The following C16orf96 variants were observed in gnomAD, a reference collection of about 807,000 sequenced individuals.
The protein encoded by C16orf96 is chromosome 16 open reading frame 96, also known as uncharacterized protein C16orf96.
A neutral mutation model predicts 103.6 loss-of-function variants in C16orf96; 108 were observed. The observed-to-expected ratio is 1.04, with a 90% CI of 0.89 to 1.22. C16orf96 has a LOEUF of 1.22. Ranked by LOEUF, C16orf96 falls within the 50% of genes most tolerant of loss-of-function variation. The pLI, the probability that C16orf96 is intolerant of heterozygous loss-of-function variation, is 0.00. For missense variants in C16orf96, 1,586 were observed against 1,464.2 expected, an observed-to-expected ratio of 1.08 and a Z score of -1.36; for synonymous variants, 566 against 593.5, an observed-to-expected ratio of 0.95 and a Z score of 0.67.
chr16:4,582,774 A>G (rs974927961), intron 7 of C16orf96, among the ~76,000 whole-genome samples: 2 of 152,192 alleles, frequency 1.3e-5, no homozygotes, highest in Non-Finnish European at 2.9e-5. Context: ...GCACTACGCC[A>G]GACCCTGCAT....
chr16:4,565,156 C>G (rs7204059), intron 1 of C16orf96, among the ~76,000 whole-genome samples: 5,589 of 152,126 alleles, frequency 0.037, 358 homozygotes, highest in African/African-American at 0.13. Context: ...ACCCCAGCAT[C>G]CTTAAAGCCC....
the C16orf96 span, among the ~76,000 whole-genome samples, chr16:4,548,789 C>T: frequency 6.6e-6 from 1 of 150,766 alleles, no homozygotes; most frequent in Non-Finnish European, 1.5e-5. Flanking sequence ...AGGAGAATCG[C>T]TTGAACCCGG....
Position 4,593,425 on chromosome 16 carries a change from ATTGT to A in C16orf96, c.2867+110_2867+113del. The A allele has an allele frequency of 9.0e-7, 1 of 1,107,690 alleles. No homozygotes were observed. Among genetic ancestry groups the A allele is most frequent in the Non-Finnish European group, 1.3e-6 (1 of 766,832 alleles). 68.6% of individuals were successfully genotyped at this position (1,107,690 alleles called of 1,614,324 possible). On this transcript the variant is annotated intron_variant, in intron 12 of 15. Transcript: ENST00000444310. This position sits in a 1 kb window ranked among gnomAD's most constrained non-coding sequence, Gnocchi z 4.2. ...CATCCTCCAGGCCCAGGGACCTAAG[ATTGT>A]CCTGGACATGGCCAGCCCTTCGCAA...
the C16orf96 span, among the ~76,000 whole-genome samples, chr16:4,548,831 A>G: frequency 6.7e-6 from 1 of 148,748 alleles, no homozygotes; most frequent in East Asian, 2.0e-4. Context: ...CAAGGTTGCA[A>G]TGTCACGCCA....
intron 7 of C16orf96, among the ~76,000 whole-genome samples, 200 bp from the exon 8 acceptor site, chr16:4,586,839 C>G (rs1340628408): frequency 6.6e-6 from 1 of 152,156 alleles, no homozygotes; most frequent in Non-Finnish European, 1.5e-5. Flanking sequence ...ACAGCTTGTC[C>G]CAAGTCGCAC....
At chr16:4,571,987 T>C (rs528683265) in intron 2 of C16orf96, among the ~76,000 whole-genome samples, 1 of 151,540 alleles carries the variant, frequency 6.6e-6, no homozygotes, top group East Asian at 2.0e-4. Flanking sequence ...GTAGCTGGGA[T>C]TACAGGCACG....
chr16:4,559,800 G>C (rs1449197783), intron 1 of C16orf96, among the ~76,000 whole-genome samples: 1 of 152,028 alleles, frequency 6.6e-6, no homozygotes, highest in Non-Finnish European at 1.5e-5. Flanking sequence ...TCTGCTTTCT[G>C]TCTTACGGAT....
At chr16:4,551,136 G>T in the C16orf96 span, among the ~76,000 whole-genome samples, 2 of 152,196 alleles carry the variant, frequency 1.3e-5, no homozygotes, top group Admixed American at 6.5e-5. Context: ...GCCAGGAGAG[G>T]TGTTGCACAC....
At chr16:4,544,711 C>A in the C16orf96 span, among the ~76,000 whole-genome samples, 1 of 152,164 alleles carries the variant, frequency 6.6e-6, no homozygotes, top group Non-Finnish European at 1.5e-5. Context: ...GCATTTAGGT[C>A]ACTGCTCATA....
Position 4,556,467 on chromosome 16 carries a change from C to T in C16orf96, c.-23C>T. 1 of 1,499,612 alleles carries T rather than the reference C, an allele frequency of 6.7e-7. No individual in the cohort carries two copies. 92.9% of individuals were successfully genotyped at this position (1,499,612 alleles called of 1,614,324 possible). On this transcript the variant is annotated 5_prime_UTR_variant, in exon 1 of 16. Transcript: ENST00000444310. ...TCCTTGAGGACACCTGGAACCCCAG[C>T]CCCACTGACCCACCCTGGCAGGATG...
the C16orf96 span, among the ~76,000 whole-genome samples, chr16:4,541,516 G>A: frequency 2.1e-4 from 32 of 152,220 alleles, no homozygotes; most frequent in Non-Finnish European, 4.3e-4. Flanking sequence ...CGAGGCTGCT[G>A]TGAGCTGGGA....
intron 14 of C16orf96, 91 bp from the exon 15 acceptor site, chr16:4,599,193 A>G (rs1365014879): frequency 2.6e-6 from 3 of 1,147,912 alleles, no homozygotes; most frequent in Non-Finnish European, 2.6e-6. Flanking sequence ...GGTTGGTCCC[A>G]CCAGAGGGAG....
chr16:4,541,784 A>G, the C16orf96 span, among the ~76,000 whole-genome samples: 2 of 152,206 alleles, frequency 1.3e-5, no homozygotes, highest in Non-Finnish European at 2.9e-5. Context: ...AGCTTGGTGC[A>G]GGCAATTGAG....
At chr16:4,563,960 G>A (rs2059360589) in intron 1 of C16orf96, among the ~76,000 whole-genome samples, 1 of 151,510 alleles carries the variant, frequency 6.6e-6, no homozygotes, top group Non-Finnish European at 1.5e-5. Flanking sequence ...CACTTTCGGA[G>A]GCCGAAGTGG....
At chr16:4,589,581 C>T in intron 9 of C16orf96, among the ~76,000 whole-genome samples, 1 of 147,750 alleles carries the variant, frequency 6.8e-6, no homozygotes, top group Non-Finnish European at 1.5e-5. Context: ...GGCAGGCACT[C>T]AGAGTGAAAC....
chr16:4,563,430 T>C (rs986466834), intron 1 of C16orf96, among the ~76,000 whole-genome samples: 1 of 152,294 alleles, frequency 6.6e-6, no homozygotes, highest in Non-Finnish European at 1.5e-5. Flanking sequence ...CTAATTTGTA[T>C]TTTTTGTAGA....
At chr16:4,588,527 G>T (rs772674114) in intron 9 of C16orf96, among the ~76,000 whole-genome samples, 196 bp downstream of exon 9, 25 of 152,090 alleles carry the variant, frequency 1.6e-4, no homozygotes, top group African/African-American at 5.6e-4. Context: ...CTGAAGGCTC[G>T]AATGAGGCTG....
intron 1 of C16orf96, among the ~76,000 whole-genome samples, chr16:4,558,156 C>G (rs1226794409): frequency 6.6e-6 from 1 of 152,208 alleles, no homozygotes; most frequent in Non-Finnish European, 1.5e-5. Context: ...GAAACTGACG[C>G]TCAGAGGAGC....
intron 2 of C16orf96, among the ~76,000 whole-genome samples, chr16:4,574,092 C>G (rs966788246): frequency 3.3e-5 from 5 of 152,172 alleles, no homozygotes; most frequent in Non-Finnish European, 7.3e-5. Flanking sequence ...CTCAGCATCC[C>G]AAAGTGCTGG....
Sources: gnomAD v4.1 joint callset for allele counts (sites outside exome capture counted in the v4.1 genomes callset) on GRCh38, gnomAD v4.1.1 for gene constraint, Gnocchi (gnomAD v3.1) non-coding constraint, MANE v1.5 for transcripts, NCBI Gene and HGNC (gene_info 2026-07-23, HGNC 2026-07-21) for gene names.